The following ANKRD17 variants were observed in gnomAD, a reference collection of about 807,000 sequenced individuals.
The protein encoded by ANKRD17 is ankyrin repeat domain-containing protein 17.
In ANKRD17, 19 loss-of-function variants were observed where a neutral mutation model predicts 229.7. That is an observed-to-expected ratio of 0.08 (90% CI 0.06 to 0.12). The LOEUF is 0.12. ANKRD17 is among the 10% of genes least tolerant of loss of function. ANKRD17 has a pLI of 1.00. For missense variants in ANKRD17, 2,176 were observed against 3,176.8 expected (o/e 0.68, Z 7.57); for synonymous variants, 1,112 against 1,146.1 (o/e 0.97, Z 0.60).
intron 3 of ANKRD17, among the ~76,000 whole-genome samples, chr4:73,159,971 A>G (rs1578227618): frequency 6.6e-6 from 1 of 152,170 alleles, no homozygotes; most frequent in Non-Finnish European, 1.5e-5. Context: ...GCTCTTAAAA[A>G]TGTTGTATGA....
chr4:73,200,997 G>C (rs995002633), intron 1 of ANKRD17, among the ~76,000 whole-genome samples: 1 of 76,978 alleles, frequency 1.3e-5, no homozygotes, highest in East Asian at 4.4e-4. Flanking sequence ...CGGGGGGGGG[G>C]GGAGATTCTT....
intron 1 of ANKRD17, among the ~76,000 whole-genome samples, chr4:73,192,346 C>CA (rs911191139): frequency 6.2e-4 from 93 of 149,648 alleles, no homozygotes; most frequent in East Asian, 2.9e-3. Flanking sequence ...CAGCCTGAAG[C>CA]AAAAAAAACA....
intron 9 of ANKRD17, 87 bp downstream of exon 9, chr4:73,147,154 T>C: frequency 2.4e-6 from 3 of 1,262,956 alleles, no homozygotes; most frequent in Non-Finnish European, 3.3e-6. Flanking sequence ...ATTCAGTGTA[T>C]CATAGCATCA....
At chr4:73,249,231 A>T (rs766610957) in intron 1 of ANKRD17, among the ~76,000 whole-genome samples, 4 of 152,236 alleles carry the variant, frequency 2.6e-5, no homozygotes, top group Non-Finnish European at 5.9e-5. Context: ...ATAACTTTAG[A>T]GCAGGTTCTT....
chr4:73,254,747 A>G (rs1293813371), intron 1 of ANKRD17, among the ~76,000 whole-genome samples: 1 of 151,928 alleles, frequency 6.6e-6, no homozygotes, highest in East Asian at 1.9e-4. Context: ...CAGCCTGGGC[A>G]ACAAGAGCGA....
intron 1 of ANKRD17, among the ~76,000 whole-genome samples, chr4:73,233,213 T>C (rs1050379776): frequency 1.3e-5 from 2 of 152,212 alleles, no homozygotes; most frequent in African/African-American, 4.8e-5. Context: ...TTTGCTTTCA[T>C]ATCTTGATTC....
chr4:73,199,491 T>C (rs537944968), intron 1 of ANKRD17, among the ~76,000 whole-genome samples: 1 of 152,158 alleles, frequency 6.6e-6, no homozygotes, highest in African/African-American at 2.4e-5. Flanking sequence ...TGTAGAGGCA[T>C]ACCTCAGAAA....
intron 2 of ANKRD17, 118 bp downstream of exon 2, chr4:73,177,262 C>T (rs1231764013): frequency 8.9e-6 from 9 of 1,007,898 alleles, no homozygotes; most frequent in East Asian, 5.6e-5. Context: ...ATCAATTAAC[C>T]TTTATTAATA....
intron 1 of ANKRD17, among the ~76,000 whole-genome samples, chr4:73,209,637 CA>C (rs34371379): frequency 6.6e-6 from 1 of 151,878 alleles, no homozygotes. Flanking sequence ...TTCCCTTACG[CA>C]AAAAAGATCA....
rs937702398 is a variant in ANKRD17 at position 73,083,891 on chromosome 4, A to G, written c.7159+1358T>C. 2.0e-5 allele frequency among the ~76,000 whole-genome samples: 3 copies of G among 150,766 alleles called. No individual in the cohort carries two copies. In the East Asian group the frequency reaches 5.8e-4, roughly 29 times the overall value. ...CATTAAGTTAATTAGGTTAACTGTT[A>G]TTTATTCCAGTATTGCTAGTTAGAA... On this transcript the variant is annotated intron_variant, in intron 30 of 33. Coordinates refer to ENST00000358602, the MANE Select transcript of ANKRD17 (RefSeq NM_032217.5).
intron 28 of ANKRD17, among the ~76,000 whole-genome samples, chr4:73,092,618 A>G (rs1460404453): frequency 6.6e-6 from 1 of 152,226 alleles, no homozygotes; most frequent in South Asian, 2.1e-4. Flanking sequence ...TGTAAAATAC[A>G]CTACAGTTAG....
chr4:73,126,704 ACTAT>A (rs1370306726), intron 16 of ANKRD17, among the ~76,000 whole-genome samples: 2 of 152,156 alleles, frequency 1.3e-5, no homozygotes, highest in Non-Finnish European at 2.9e-5. Context: ...AACCTAGCAA[ACTAT>A]CTAATTTCTC....
intron 1 of ANKRD17, among the ~76,000 whole-genome samples, chr4:73,183,507 G>A (rs200925552): frequency 6.6e-6 from 1 of 152,092 alleles, no homozygotes; most frequent in Non-Finnish European, 1.5e-5. Context: ...AGGCTGGAGT[G>A]CAGTGGCAGA....
Position 73,167,774 on chromosome 4 carries a change from A to G in ANKRD17, c.548-6426T>C, listed in dbSNP as rs1282706289. ...TGCACATGCCCTGATTATGTTTCCA[A>G]GTCTATTTGGTTAAGATCCTTTTAA... On this transcript the variant is annotated intron_variant, in intron 2 of 33. Coordinates refer to ENST00000358602, the MANE Select transcript of ANKRD17 (RefSeq NM_032217.5). Among the ~76,000 whole-genome samples, 3 of 152,268 alleles carry G rather than the reference A, an allele frequency of 2.0e-5. No homozygotes were observed. The East Asian group carries it at 5.8e-4, about 29-fold the overall frequency.
Position 73,153,784 on chromosome 4 carries a change from CATT to C in ANKRD17, c.1234+93_1234+95del, listed in dbSNP as rs774796985. The C allele has an allele frequency of 1.0e-5, 9 of 873,980 alleles. No homozygotes were observed. The African/African-American group carries it at 1.2e-4, about 12-fold the overall frequency. The allele number at this position is 873,980 out of a possible 1,614,324, so 54.1% of individuals were successfully genotyped here. A position where few individuals can be genotyped will look rare whatever the true frequency, so the allele number is the denominator to read the frequency against. On this transcript the variant is annotated intron_variant, in intron 6 of 33. Transcript: ENST00000358602. The stretch of plus-strand genomic sequence containing the variant: ...CCTTTAATTACATACTATATACTAT[CATT>C]GTTTTATTTTTTAACTTAGAAACAA...
At chr4:73,121,154 A>T (rs2148699141) in intron 19 of ANKRD17, 60 bp from the exon 20 acceptor site, 1 of 1,338,462 alleles carries the variant, frequency 7.5e-7, no homozygotes, top group Non-Finnish European at 1.1e-6. Flanking sequence ...TGACAGAAAA[A>T]TTGGAGATGA....
chr4:73,134,891 A>T (rs1728697042), intron 16 of ANKRD17, among the ~76,000 whole-genome samples: 1 of 152,182 alleles, frequency 6.6e-6, no homozygotes, highest in Admixed American at 6.5e-5. Context: ...AAGTTAAAAA[A>T]AAGGTTACCT....
intron 1 of ANKRD17, among the ~76,000 whole-genome samples, chr4:73,182,230 T>A (rs1735680782): frequency 6.6e-6 from 1 of 152,014 alleles, no homozygotes; most frequent in African/African-American, 2.4e-5. Context: ...AAGTTACAAC[T>A]GGCCTTTTTT....
At chr4:73,242,340 G>C (rs1338021502) in intron 1 of ANKRD17, among the ~76,000 whole-genome samples, 1 of 151,910 alleles carries the variant, frequency 6.6e-6, no homozygotes, top group Admixed American at 6.6e-5. Context: ...AATTAAGAAA[G>C]TATAATGGAA....
Sources: allele counts gnomAD v4.1 joint callset (sites outside exome capture counted in the v4.1 genomes callset), GRCh38; gene constraint gnomAD v4.1.1; transcripts MANE v1.5; gene names NCBI Gene and HGNC (gene_info 2026-07-23, HGNC 2026-07-21).